SAMD3: variants seen among roughly 807,000 people sequenced by gnomAD.
SAMD3 encodes the protein sterile alpha motif domain containing 3.
Under a neutral mutation model 58.5 loss-of-function variants are expected in SAMD3, and 63 were observed. That is an observed-to-expected ratio of 1.08 (90% CI 0.88 to 1.33). SAMD3 has a LOEUF of 1.33. Among genes scored for constraint, SAMD3 ranks in the 40% most tolerant of loss-of-function variants. SAMD3 has a pLI of 0.00. For synonymous variants in SAMD3, 220 were observed against 210.3 expected (o/e 1.05, Z -0.40); for missense variants, 604 against 608.4 (o/e 0.99, Z 0.08).
chr6:130,311,687 A>G (rs1474548845), intron 2 of SAMD3, among the ~76,000 whole-genome samples: 2 of 152,186 alleles, frequency 1.3e-5, no homozygotes, highest in Admixed American at 6.5e-5. Context: ...CACATTTACC[A>G]GGGCAAAGGA....
chr6:130,235,627 T>G (rs1773119687), intron 2 of SAMD3, among the ~76,000 whole-genome samples: 2 of 152,192 alleles, frequency 1.3e-5, no homozygotes, highest in Non-Finnish European at 2.9e-5. Flanking sequence ...GACTCTCAAA[T>G]TTTAGGTAAA....
chr6:130,175,796 T>C, intron 8 of SAMD3, 45 bp downstream of exon 8: 2 of 1,232,682 alleles, frequency 1.6e-6, no homozygotes, highest in Non-Finnish European at 2.3e-6. Context: ...TTAATCAATA[T>C]ATCAATCTAT....
At chr6:130,271,655 T>G (rs768690544) in intron 2 of SAMD3, among the ~76,000 whole-genome samples, 2 of 152,198 alleles carry the variant, frequency 1.3e-5, no homozygotes, top group Non-Finnish European at 2.9e-5. Flanking sequence ...AGATTTTACA[T>G]AGGCAAATAT....
chr6:130,351,117 A>T (rs1350678166), intron 1 of SAMD3, among the ~76,000 whole-genome samples: 2 of 152,202 alleles, frequency 1.3e-5, no homozygotes, highest in African/African-American at 2.4e-5. Context: ...TAAAACCATA[A>T]AAACCCGAGA....
chr6:130,147,851 T>A (rs1788775150), intron 9 of SAMD3, among the ~76,000 whole-genome samples: 1 of 152,240 alleles, frequency 6.6e-6, no homozygotes, highest in Non-Finnish European at 1.5e-5. Flanking sequence ...GGAGGCCAGT[T>A]ACTTTGTAGA....
intron 5 of SAMD3, among the ~76,000 whole-genome samples, chr6:130,195,908 A>G (rs1794060465): frequency 1.3e-5 from 2 of 152,026 alleles, no homozygotes; most frequent in Non-Finnish European, 2.9e-5. Flanking sequence ...TCCTAACAAA[A>G]CCATTATATA....
At chr6:130,280,974 TC>T (rs1349321720) in intron 2 of SAMD3, among the ~76,000 whole-genome samples, 1 of 152,220 alleles carries the variant, frequency 6.6e-6, no homozygotes, top group African/African-American at 2.4e-5. Flanking sequence ...TATTGAACTT[TC>T]TATATACTAT....
chr6:130,277,018 A>G (rs1277925973), intron 2 of SAMD3, among the ~76,000 whole-genome samples: 6 of 152,216 alleles, frequency 3.9e-5, no homozygotes, highest in African/African-American at 1.4e-4. Context: ...CAAAAGACCA[A>G]TTGTAGGTTC....
At chr6:130,350,643 CT>C (rs1278245357) in intron 1 of SAMD3, among the ~76,000 whole-genome samples, 1 of 152,194 alleles carries the variant, frequency 6.6e-6, no homozygotes, top group African/African-American at 2.4e-5. Flanking sequence ...AATGGCCATA[CT>C]GCCCAAGGTA....
chr6:130,280,690 T>C (rs1774950609), intron 2 of SAMD3, among the ~76,000 whole-genome samples: 1 of 152,220 alleles, frequency 6.6e-6, no homozygotes, highest in Non-Finnish European at 1.5e-5. Context: ...TCCCATATTA[T>C]AGTTATTTGG....
At chr6:130,261,830 C>T (rs931984081) in intron 2 of SAMD3, among the ~76,000 whole-genome samples, 2 of 152,088 alleles carry the variant, frequency 1.3e-5, no homozygotes, top group African/African-American at 4.8e-5. Context: ...CACAAGGTAA[C>T]CTGTAAATCC....
chr6:130,220,571 GT>G (rs1279622112), intron 1 of SAMD3, among the ~76,000 whole-genome samples: 1 of 152,184 alleles, frequency 6.6e-6, no homozygotes, highest in Admixed American at 6.5e-5. Context: ...AGCTGGATGT[GT>G]GACTGAGAAG....
chr6:130,338,722 G>A (rs192881044), intron 1 of SAMD3, among the ~76,000 whole-genome samples: 158 of 152,318 alleles, frequency 1.0e-3, no homozygotes, highest in Non-Finnish European at 1.9e-3. Context: ...TCAGACTTGC[G>A]TGAGGCCTAC....
At chr6:130,234,160 G>A (rs1796620252) in intron 2 of SAMD3, among the ~76,000 whole-genome samples, 1 of 152,108 alleles carries the variant, frequency 6.6e-6, no homozygotes, top group African/African-American at 2.4e-5. Context: ...TGGGATTTTT[G>A]TCACTTGTAT....
intron 1 of SAMD3, among the ~76,000 whole-genome samples, chr6:130,349,856 C>A (rs1562535558): frequency 1.3e-5 from 2 of 152,134 alleles, no homozygotes; most frequent in African/African-American, 4.8e-5. Flanking sequence ...AGCAGCACAT[C>A]AAAAAGCTTA....
chr6:130,341,541 T>A (rs1031653657), intron 1 of SAMD3, among the ~76,000 whole-genome samples: 1 of 152,212 alleles, frequency 6.6e-6, no homozygotes, highest in African/African-American at 2.4e-5. Flanking sequence ...TTAAATTATA[T>A]AAAGGTGAAA....
chr6:130,338,533 G>T (rs1357493892), intron 1 of SAMD3, among the ~76,000 whole-genome samples: 2 of 152,184 alleles, frequency 1.3e-5, no homozygotes, highest in African/African-American at 4.8e-5. Flanking sequence ...AAAAGTCACA[G>T]GCACTCAATG....
At chr6:130,249,997 A>G (rs1370818464) in intron 2 of SAMD3, among the ~76,000 whole-genome samples, 1 of 152,140 alleles carries the variant, frequency 6.6e-6, no homozygotes, top group Non-Finnish European at 1.5e-5. Context: ...CTGATCAATC[A>G]CAGAGTTTGA....
chr6:130,197,050 T>C (rs2114768146), intron 5 of SAMD3, among the ~76,000 whole-genome samples: 1 of 152,328 alleles, frequency 6.6e-6, no homozygotes, highest in South Asian at 2.1e-4. Flanking sequence ...AGTAAAGGTC[T>C]TTTAAAAACA....
Sources: allele counts gnomAD v4.1 joint callset (sites outside exome capture counted in the v4.1 genomes callset), GRCh38; gene constraint gnomAD v4.1.1; transcripts MANE v1.5; gene names NCBI Gene and HGNC (gene_info 2026-07-23, HGNC 2026-07-21).